KIAA1671: variants seen among roughly 807,000 people sequenced by gnomAD.
KIAA1671 encodes KIAA1671, also known as uncharacterized protein KIAA1671.
KIAA1671 carries 52 observed loss-of-function variants against 131.2 expected under a neutral mutation model. The observed-to-expected ratio is 0.40, with a 90% CI of 0.32 to 0.50. KIAA1671 has a LOEUF of 0.50. Among genes scored for constraint, KIAA1671 ranks in the 20% least tolerant of loss-of-function variants. KIAA1671 has a pLI of 0.73. For missense variants in KIAA1671, 2,360 were observed against 2,364.2 expected (o/e 1.00, Z 0.04); for synonymous variants, 1,003 against 961.6 (o/e 1.04, Z -0.80).
chr22:25,015,225 C>T (rs1925241107), intron 1 of KIAA1671, among the ~76,000 whole-genome samples: 1 of 122,118 alleles, frequency 8.2e-6, no homozygotes, highest in Admixed American at 8.7e-5. Flanking sequence ...GACCTTGTCC[C>T]TTAAAAAAAA....
intron 6 of KIAA1671, among the ~76,000 whole-genome samples, chr22:25,161,498 C>T (rs8136099): frequency 0.083 from 12,635 of 152,192 alleles, 1,708 homozygotes; most frequent in African/African-American, 0.28. Context: ...GTGAGGATCG[C>T]GTGGCCAAAT....
At chr22:24,987,203 C>T (rs1923598764) in intron 1 of KIAA1671, among the ~76,000 whole-genome samples, 1 of 150,346 alleles carries the variant, frequency 6.7e-6, no homozygotes, top group Non-Finnish European at 1.5e-5. Context: ...CAGAGTCTCG[C>T]CCTGTTGCCC....
intron 6 of KIAA1671, among the ~76,000 whole-genome samples, chr22:25,106,411 C>T (rs1055540347): frequency 1.3e-5 from 2 of 152,182 alleles, no homozygotes; most frequent in Non-Finnish European, 2.9e-5. Flanking sequence ...GCATTCACAG[C>T]AGCTGACGTG....
At chr22:25,027,557 C>A (rs1926015895) in intron 2 of KIAA1671, among the ~76,000 whole-genome samples, 1 of 152,208 alleles carries the variant, frequency 6.6e-6, no homozygotes, top group Non-Finnish European at 1.5e-5. Context: ...GTTTTAAGTC[C>A]TGACTTCGCC....
intron 6 of KIAA1671, among the ~76,000 whole-genome samples, chr22:25,165,138 C>T (rs1455370269): frequency 6.6e-6 from 1 of 151,962 alleles, no homozygotes; most frequent in Non-Finnish European, 1.5e-5. Flanking sequence ...CACAAGGTTA[C>T]CAGGATACTA....
intron 1 of KIAA1671, among the ~76,000 whole-genome samples, chr22:25,022,411 C>A (rs941116475): frequency 4.6e-5 from 7 of 152,122 alleles, no homozygotes. Flanking sequence ...TGGCTGTGTC[C>A]CCAGCACCAA....
chr22:25,071,119 G>A (rs1928795798), intron 6 of KIAA1671, among the ~76,000 whole-genome samples: 1 of 152,224 alleles, frequency 6.6e-6, no homozygotes, highest in South Asian at 2.1e-4. Flanking sequence ...AGGAGTGGGT[G>A]TAGGTGATTC....
intron 6 of KIAA1671, among the ~76,000 whole-genome samples, chr22:25,089,854 G>A (rs1929936294): frequency 6.6e-6 from 1 of 152,116 alleles, no homozygotes; most frequent in African/African-American, 2.4e-5. Flanking sequence ...TGCTGCAGGA[G>A]AAATGCCTGG....
chr22:25,052,342 A>G (rs1569217048), intron 6 of KIAA1671: 1 of 152,200 alleles, frequency 6.6e-6, no homozygotes, highest in African/African-American at 2.4e-5. Context: ...AGCCCTGCCC[A>G]TGGTTGCTGA....
chr22:24,991,016 T>C (rs1923813104), intron 1 of KIAA1671, among the ~76,000 whole-genome samples: 1 of 151,934 alleles, frequency 6.6e-6, no homozygotes, highest in South Asian at 2.1e-4. Context: ...GACCCTTTCT[T>C]CTTTAATTTT....
chr22:25,082,840 A>G (rs1222655216), intron 6 of KIAA1671, among the ~76,000 whole-genome samples: 1 of 152,192 alleles, frequency 6.6e-6, no homozygotes, highest in Non-Finnish European at 1.5e-5. Context: ...CTCTCTAAAG[A>G]ACAAAAAAAC....
chr22:25,164,960 AAG>A (rs1555884262), intron 6 of KIAA1671, among the ~76,000 whole-genome samples: 4 of 134,230 alleles, frequency 3.0e-5, no homozygotes, highest in East Asian at 2.3e-4. Context: ...AAAAAAAAAA[AAG>A]AGAGAGAGTT....
At position 25,181,683 on chromosome 22, in the gene KIAA1671, C is replaced by T. The variant is rs188684127; in HGVS notation, c.5075-16C>T. On this transcript the variant is annotated splice_polypyrimidine_tract_variant and intron_variant, in intron 9 of 12. Transcript: ENST00000358431. The stretch of plus-strand genomic sequence containing the variant: ...GGCAGCTGCTGATGAATTCAGTGCC[C>T]TTTTCTTTGCAACAGAGGAGAAATC... 9 of 1,551,252 alleles carry T rather than the reference C, an allele frequency of 5.8e-6. No homozygotes were observed. The East Asian group carries it at 2.0e-4, about 34-fold the overall frequency.
intron 5 of KIAA1671, among the ~76,000 whole-genome samples, chr22:25,042,588 T>C (rs1040781319): frequency 4.7e-5 from 7 of 148,788 alleles, no homozygotes; most frequent in African/African-American, 1.7e-4. Context: ...TGCCTCAGCC[T>C]CCCAAGTAGC....
chr22:24,981,795 C>A (rs1212757204), intron 1 of KIAA1671, among the ~76,000 whole-genome samples: 2 of 152,184 alleles, frequency 1.3e-5, no homozygotes, highest in African/African-American at 4.8e-5. Context: ...CTAGTTCCAG[C>A]TACTTGGGAG....
chr22:25,142,062 G>A (rs1183673411), intron 6 of KIAA1671, among the ~76,000 whole-genome samples: 1 of 152,170 alleles, frequency 6.6e-6, no homozygotes, highest in Non-Finnish European at 1.5e-5. Context: ...CCACCAAAAT[G>A]GTTGCTTGTT....
intron 1 of KIAA1671, among the ~76,000 whole-genome samples, chr22:24,987,952 G>T (rs896790954): frequency 8.5e-5 from 13 of 152,152 alleles, no homozygotes; most frequent in South Asian, 2.1e-4. Flanking sequence ...CCCTGCAGGG[G>T]GTCCATCTGC....
At chr22:25,095,666 A>G (rs1407525200) in intron 6 of KIAA1671, among the ~76,000 whole-genome samples, 1 of 152,154 alleles carries the variant, frequency 6.6e-6, no homozygotes, top group Non-Finnish European at 1.5e-5. Flanking sequence ...AAACAAAAAC[A>G]AAACAAAAAT....
chr22:25,057,314 T>C, intron 6 of KIAA1671: 1 of 152,408 alleles, frequency 6.6e-6, no homozygotes, highest in Non-Finnish European at 1.5e-5. Context: ...CGGGGCTCTG[T>C]GGGCTCCCAG....
Sources: gnomAD v4.1 joint callset for allele counts (sites outside exome capture counted in the v4.1 genomes callset) on GRCh38, gnomAD v4.1.1 for gene constraint, MANE v1.5 for transcripts, NCBI Gene and HGNC (gene_info 2026-07-23, HGNC 2026-07-21) for gene names.